The following COL12A1 variants were observed in gnomAD, a reference collection of about 807,000 sequenced individuals.
COL12A1 encodes the protein collagen type XII alpha 1 chain.
COL12A1 carries 114 observed loss-of-function variants against 349.7 expected under a neutral mutation model. That is an observed-to-expected ratio of 0.33 (90% CI 0.28 to 0.38). The LOEUF (loss-of-function observed/expected upper bound fraction) is 0.38, where lower values mean the gene tolerates loss of function less well. COL12A1 is among the 10% of genes least tolerant of loss of function. COL12A1 has a pLI of 1.00. For missense variants in COL12A1, 3,284 were observed against 3,756.9 expected (o/e 0.87, Z 3.29); for synonymous variants, 1,369 against 1,329.0 (o/e 1.03, Z -0.66).
Position 75,091,373 on chromosome 6 carries a change from T to C in COL12A1, c.8702A>G (p.Gln2901Arg), listed in dbSNP as rs1767756919. ...EKGDRGDIASQNMMRAVARQV... is the reference protein window; with the variant it reads ...EKGDRGDIASRNMMRAVARQV... ...TCTTGCAACTGCTCGCATCATGTTC[T>C]GGGAAGCAATGTCTCCCTTGTTGAA... The change falls in exon 62 of 66, where the codon CAG (glutamine) becomes CGG (arginine). Residue 2901 changes from glutamine to arginine, a missense_variant. Physicochemically the swap from Gln to Arg is conservative, Grantham distance 43. Coordinates refer to ENST00000322507, the MANE Select transcript of COL12A1 (RefSeq NM_004370.6). 1 of 1,613,756 alleles carries C rather than the reference T, an allele frequency of 6.2e-7. No individual in the cohort carries two copies. Among genetic ancestry groups the C allele is most frequent in the African/African-American group, 1.3e-5 (1 of 74,932 alleles).
At chr6:75,191,168 T>C (rs1769909092) in intron 5 of COL12A1, among the ~76,000 whole-genome samples, 1 of 151,988 alleles carries the variant, frequency 6.6e-6, no homozygotes, top group African/African-American at 2.4e-5. Flanking sequence ...AGAGGTGTGT[T>C]ACAGAGACTC....
rs542949589 is a variant in COL12A1, at chr6:75,090,568, G to A, written c.8753-270C>T. ...AAAAGAGTTGTTAAAGTTTAATATG[G>A]CTCTGAAATAAAGTCTTGAGATTTA... is the stretch of plus-strand genomic sequence containing the variant. On this transcript the variant is annotated intron_variant, in intron 62 of 65. Coordinates refer to ENST00000322507, the MANE Select transcript of COL12A1 (RefSeq NM_004370.6). The surrounding 1 kb of genome is among the most constrained non-coding windows in gnomAD (Gnocchi z 4.1). 6.6e-6 allele frequency among the ~76,000 whole-genome samples: 1 copy of A among 152,118 alleles called. No individual in the cohort carries two copies. The highest frequency in any genetic ancestry group is 2.4e-5 in the African/African-American group (1 of 41,408).
intron 23 of COL12A1, 135 bp from the exon 24 acceptor site, chr6:75,146,379 T>C (rs1767196649): frequency 1.9e-6 from 2 of 1,029,332 alleles, no homozygotes; most frequent in Non-Finnish European, 2.6e-6. Context: ...TAAGAGTTAA[T>C]ATAATCCTTC....
At chr6:75,124,725 A>C (rs1239447048) in intron 40 of COL12A1, among the ~76,000 whole-genome samples, 1 of 152,150 alleles carries the variant, frequency 6.6e-6, no homozygotes, top group Non-Finnish European at 1.5e-5. Flanking sequence ...CTGTGGACTG[A>C]ATCACACTAA....
At chr6:75,185,453 C>A (rs1769561486) in intron 8 of COL12A1, among the ~76,000 whole-genome samples, 1 of 152,140 alleles carries the variant, frequency 6.6e-6, no homozygotes, top group African/African-American at 2.4e-5. Context: ...GAACTACAAA[C>A]CACTGCTCAA....
intron 23 of COL12A1, 28 bp from the exon 24 acceptor site, chr6:75,146,272 G>C (rs758016339): frequency 6.4e-7 from 1 of 1,557,468 alleles, no homozygotes. Context: ...CAGACCATCA[G>C]TCTAGTTCCT....
chr6:75,091,833 T>C (rs1365173732), intron 60 of COL12A1, among the ~76,000 whole-genome samples: 1 of 152,178 alleles, frequency 6.6e-6, no homozygotes, highest in Non-Finnish European at 1.5e-5. Flanking sequence ...CAATTCATGA[T>C]ACATATGGAA....
rs982309132 is a variant in COL12A1, at chr6:75,177,835, A to G, written c.2265T>C (p.Ile755=). ...CTCCACCAGCAACTGGTCTATATAT[A>G]ATTCGATATCTTAAAACTCTCCCTG... The part of the protein sequence containing the change: ...QAPGRVLRYR[I]IYRPVAGGES... Residue 755 remains isoleucine (I), a synonymous_variant, in exon 12 of 66, where the codon ATT becomes ATC. Coordinates refer to ENST00000322507, the MANE Select transcript of COL12A1 (RefSeq NM_004370.6). 1.2e-6 allele frequency: 2 copies of G among 1,614,076 alleles called. No individual in the cohort carries two copies. Among genetic ancestry groups the G allele is most frequent in the Non-Finnish European group, 1.7e-6 (2 of 1,180,024 alleles).
rs967552853 is a variant in COL12A1 at position 75,108,947 on chromosome 6, G to A, written c.8100+71C>T. 26 of 1,445,018 alleles carry A rather than the reference G, an allele frequency of 1.8e-5. No individual in the cohort carries two copies. The Admixed American group carries it at 3.5e-4, about 19-fold the overall frequency. 89.5% of individuals were successfully genotyped at this position (1,445,018 alleles called of 1,614,324 possible). ...AAAAATAGAATAAAATAAAACTCAAGGAGTTGTTTAGAAAAATGCCATTTC... is the reference window on the plus strand; with the variant it reads ...AAAAATAGAATAAAATAAAACTCAAAGAGTTGTTTAGAAAAATGCCATTTC... On this transcript the variant is annotated intron_variant, in intron 52 of 65. Transcript: ENST00000322507.
At chr6:75,204,347 ATTT>A (rs201029744) in intron 1 of COL12A1, among the ~76,000 whole-genome samples, 13 of 151,560 alleles carry the variant, frequency 8.6e-5, no homozygotes, top group African/African-American at 3.1e-4. Flanking sequence ...CTGTGCGCAG[ATTT>A]TTTTTTAACA....
chr6:75,203,827 TA>T (rs1229992692), intron 1 of COL12A1, among the ~76,000 whole-genome samples: 1 of 152,014 alleles, frequency 6.6e-6, no homozygotes, highest in Non-Finnish European at 1.5e-5. Context: ...TGGCAAAACA[TA>T]AAAAGAGTTG....
intron 47 of COL12A1, among the ~76,000 whole-genome samples, chr6:75,116,994 G>A (rs1301723458): frequency 6.6e-6 from 1 of 152,086 alleles, no homozygotes; most frequent in Non-Finnish European, 1.5e-5. Flanking sequence ...TTTCTTCATT[G>A]CTCTCTTGAA....
chr6:75,167,272 C>A (rs1768357934), intron 13 of COL12A1, among the ~76,000 whole-genome samples: 1 of 152,090 alleles, frequency 6.6e-6, no homozygotes, highest in South Asian at 2.1e-4. Context: ...GATATCCCAA[C>A]AACTAGTCTC....
At chr6:75,122,782 C>T (rs1765810244) in intron 43 of COL12A1, among the ~76,000 whole-genome samples, 1 of 152,196 alleles carries the variant, frequency 6.6e-6, no homozygotes, top group Non-Finnish European at 1.5e-5. Context: ...TTTAATTTGA[C>T]AAAGTGCTAG....
At chr6:75,146,977 C>T (rs1490248760) in intron 23 of COL12A1, among the ~76,000 whole-genome samples, 3 of 152,190 alleles carry the variant, frequency 2.0e-5, no homozygotes, top group African/African-American at 7.2e-5. Context: ...TTAAAAGTGG[C>T]TTTCCTTCTT....
At chr6:75,152,872 T>C (rs1000762723) in intron 17 of COL12A1, among the ~76,000 whole-genome samples, 1 of 152,282 alleles carries the variant, frequency 6.6e-6, no homozygotes. Context: ...ATAACTTTAA[T>C]AAAATTGTAA....
intron 65 of COL12A1, 174 bp downstream of exon 65, chr6:75,087,403 T>C (rs1187416852): frequency 1.7e-6 from 1 of 583,626 alleles, no homozygotes; most frequent in Non-Finnish European, 2.9e-6. Context: ...ATCCTAACAG[T>C]GAAATAATGT....
chr6:75,111,800 C>G (rs1482198484), intron 51 of COL12A1, among the ~76,000 whole-genome samples: 1 of 151,456 alleles, frequency 6.6e-6, no homozygotes, highest in African/African-American at 2.4e-5. Context: ...CGATTGTACT[C>G]AGGGATTTTT....
chr6:75,150,369 A>G (rs149259331), intron 21 of COL12A1, among the ~76,000 whole-genome samples: 1 of 152,170 alleles, frequency 6.6e-6, no homozygotes, highest in Non-Finnish European at 1.5e-5. Flanking sequence ...TTCCTTAGCT[A>G]TATCTACTTT....
Sources: gnomAD v4.1 joint callset for allele counts (sites outside exome capture counted in the v4.1 genomes callset) on GRCh38, gnomAD v4.1.1 for gene constraint, Gnocchi (gnomAD v3.1) non-coding constraint, MANE v1.5 for transcripts, NCBI Gene and HGNC (gene_info 2026-07-23, HGNC 2026-07-21) for gene names.